Variants in PBX1 observed in about 807,000 individuals in gnomAD.
The protein encoded by PBX1 is PBX homeobox 1, also known as pre-B-cell leukemia transcription factor 1.
Under a neutral mutation model 53.4 loss-of-function variants are expected in PBX1, and 6 were observed. The ratio of observed to expected loss-of-function variants is 0.11; its 90% CI spans 0.06 to 0.22. PBX1 has a LOEUF of 0.22. Ranked by LOEUF, PBX1 falls within the 10% of genes least tolerant of loss-of-function variation. PBX1 has a pLI of 1.00. For missense variants in PBX1, 251 were observed against 551.4 expected (o/e 0.46, Z 5.46); for synonymous variants, 204 against 212.3 (o/e 0.96, Z 0.34).
intron 2 of PBX1, among the ~76,000 whole-genome samples, chr1:164,645,374 T>G (rs1659392586): frequency 6.6e-6 from 1 of 152,184 alleles, no homozygotes; most frequent in South Asian, 2.1e-4. Context: ...CTTCTGTCAC[T>G]GTCTCTGTTC....
At chr1:164,664,351 C>T (rs1660682659) in intron 2 of PBX1, among the ~76,000 whole-genome samples, 1 of 152,154 alleles carries the variant, frequency 6.6e-6, no homozygotes, top group Non-Finnish European at 1.5e-5. Context: ...TCTGTGCTGC[C>T]TTTGACAACT....
At chr1:164,855,146 A>T (rs1422063542), downstream of PBX1, among the ~76,000 whole-genome samples, 1 of 152,014 alleles carries the variant, frequency 6.6e-6, no homozygotes, top group Non-Finnish European at 1.5e-5. Context: ...AGGTCTTGCC[A>T]TGTTGCTCAA....
chr1:164,766,372 T>G (rs1353746622), intron 2 of PBX1, among the ~76,000 whole-genome samples: 1 of 152,196 alleles, frequency 6.6e-6, no homozygotes, highest in African/African-American at 2.4e-5. Flanking sequence ...CACTTTATTT[T>G]CTTATTTCTA....
chr1:164,692,820 C>G (rs747204216), intron 2 of PBX1, among the ~76,000 whole-genome samples: 1 of 152,216 alleles, frequency 6.6e-6, no homozygotes, highest in Admixed American at 6.5e-5. Context: ...CCAGTCTTCA[C>G]AGTCGCCCTT....
At chr1:164,773,383 G>A (rs1280369109) in intron 2 of PBX1, among the ~76,000 whole-genome samples, 1 of 151,962 alleles carries the variant, frequency 6.6e-6, no homozygotes, top group African/African-American at 2.4e-5. Context: ...TTCAAACACT[G>A]CTGACACACG....
chr1:164,754,831 T>G (rs1666425618), intron 2 of PBX1, among the ~76,000 whole-genome samples: 1 of 152,176 alleles, frequency 6.6e-6, no homozygotes, highest in African/African-American at 2.4e-5. Flanking sequence ...AAGTTGACAC[T>G]GTGTTGTGTT....
intron 2 of PBX1, among the ~76,000 whole-genome samples, chr1:164,616,118 T>TCC (rs1269606112): frequency 6.6e-6 from 1 of 152,206 alleles, no homozygotes; most frequent in Non-Finnish European, 1.5e-5. Flanking sequence ...TCTCTCTCTC[T>TCC]CCACCTCTGG....
intron 3 of PBX1, among the ~76,000 whole-genome samples, chr1:164,796,254 C>A (rs149973600): frequency 6.6e-6 from 1 of 152,062 alleles, no homozygotes; most frequent in African/African-American, 2.4e-5. Flanking sequence ...CGTGTTCACC[C>A]GCCTCAGACT....
At chr1:164,711,484 C>T (rs1478524101) in intron 2 of PBX1, among the ~76,000 whole-genome samples, 1 of 152,180 alleles carries the variant, frequency 6.6e-6, no homozygotes, top group African/African-American at 2.4e-5. Context: ...ATGATGGTCT[C>T]GATCTCCTGA....
rs372200365 is a variant in PBX1 at position 164,692,899 on chromosome 1, C to G, written c.266-99595C>G. Among the ~76,000 whole-genome samples the G allele has an allele frequency of 1.5e-4, 23 of 152,246 alleles. No individual in the cohort carries two copies. The East Asian group carries it at 4.1e-3, about 27-fold the overall frequency. On this transcript the variant is annotated intron_variant, in intron 2 of 8. Transcript: ENST00000420696. ...GGAATCGAAGAATGTAAATAACTTA[C>G]CTAAGATCATAGAGTTAGTAAGTTG... is the stretch of plus-strand genomic sequence containing the variant.
At chr1:164,843,392 G>C (rs1036810251) in intron 8 of PBX1, among the ~76,000 whole-genome samples, 4 of 152,230 alleles carry the variant, frequency 2.6e-5, no homozygotes, top group African/African-American at 9.6e-5. Flanking sequence ...TCCTGGAATA[G>C]GGTGGCCAAA....
intron 2 of PBX1, among the ~76,000 whole-genome samples, chr1:164,686,976 C>T (rs551157214): frequency 3.3e-5 from 5 of 151,050 alleles, no homozygotes; most frequent in South Asian, 4.2e-4. Flanking sequence ...ACCAAAAAAA[C>T]GAAAACAAAA....
At chr1:164,788,310 G>A (rs1373292161) in intron 2 of PBX1, among the ~76,000 whole-genome samples, 1 of 151,978 alleles carries the variant, frequency 6.6e-6, no homozygotes, top group Non-Finnish European at 1.5e-5. Flanking sequence ...CCAGAGTACT[G>A]GCTTCCAGCA....
At chr1:164,752,247 C>T (rs993386438) in intron 2 of PBX1, among the ~76,000 whole-genome samples, 5 of 104,522 alleles carry the variant, frequency 4.8e-5, no homozygotes, top group African/African-American at 1.5e-4. Flanking sequence ...TGTGTGTGTG[C>T]CCTCAGTGCT....
chr1:164,647,202 C>T (rs1322419454), intron 2 of PBX1, among the ~76,000 whole-genome samples: 1 of 152,198 alleles, frequency 6.6e-6, no homozygotes, highest in Non-Finnish European at 1.5e-5. Context: ...ATGGCACCTT[C>T]CCTTTCAAAG....
At chr1:164,723,503 G>T (rs1366720158) in intron 2 of PBX1, among the ~76,000 whole-genome samples, 4 of 152,206 alleles carry the variant, frequency 2.6e-5, no homozygotes, top group Non-Finnish European at 5.9e-5. Context: ...GTTGCAGGGA[G>T]AGATAGATAG....
At position 164,875,988 on chromosome 1, in the gene PBX1, G is replaced by GTATGTATATATATATATATATATA. The variant is rs1553256088; in HGVS notation, n.258-23197_258-23196insGTATATATATATATATATATATAT. Among the ~76,000 whole-genome samples, 52 of 56,916 alleles carry GTATGTATATATATATATATATATA rather than the reference G, an allele frequency of 9.1e-4. 1 individual carries two copies. Among genetic ancestry groups the GTATGTATATATATATATATATATA allele is most frequent in the South Asian group, 3.5e-3 (4 of 1,132 alleles). 37.3% of individuals were successfully genotyped at this position (56,916 alleles called of 152,430 possible). The stretch of plus-strand genomic sequence containing the variant: ...ATACCTATATATATTTGGTGTATGT[G>GTATGTATATATATATATATATATA]TATATATATATATATATACACACAT... On this transcript the variant is annotated intron_variant and non_coding_transcript_variant, in intron 2 of 2. Coordinates refer to the PBX1 transcript ENST00000558796.
At chr1:164,765,092 C>T (rs969776629) in intron 2 of PBX1, among the ~76,000 whole-genome samples, 3 of 152,150 alleles carry the variant, frequency 2.0e-5, no homozygotes, top group African/African-American at 7.2e-5. Flanking sequence ...TCAGCGGCCA[C>T]ATATATGGTT....
intron 2 of PBX1, among the ~76,000 whole-genome samples, chr1:164,694,798 T>G (rs1286725799): frequency 6.6e-6 from 1 of 152,314 alleles, no homozygotes; most frequent in Non-Finnish European, 1.5e-5. Flanking sequence ...CCAAGACTTA[T>G]AAAACTAAAC....
Sources: gnomAD v4.1 joint callset for allele counts (sites outside exome capture counted in the v4.1 genomes callset) on GRCh38, gnomAD v4.1.1 for gene constraint, MANE v1.5 for transcripts, NCBI Gene and HGNC (gene_info 2026-07-23, HGNC 2026-07-21) for gene names.